Variants in RFTN2 observed in about 807,000 individuals in gnomAD.
RFTN2 encodes the protein raftlin-2.
Under a neutral mutation model 52.7 loss-of-function variants are expected in RFTN2, and 34 were observed. The ratio of observed to expected loss-of-function variants is 0.64; its 90% CI spans 0.49 to 0.86. The LOEUF is 0.86. RFTN2 is among the 40% of genes least tolerant of loss of function. The pLI is 0.00. For missense variants in RFTN2, 536 were observed against 600.1 expected, an observed-to-expected ratio of 0.89 and a Z score of 1.12; for synonymous variants, 203 against 217.7, an observed-to-expected ratio of 0.93 and a Z score of 0.59.
At chr2:197,622,155 A>G (rs1448887407) in intron 5 of RFTN2, among the ~76,000 whole-genome samples, 1 of 152,230 alleles carries the variant, frequency 6.6e-6, no homozygotes, top group African/African-American at 2.4e-5. Flanking sequence ...AGGTTGGTTC[A>G]TGAAGTTTAA....
chr2:197,612,593 T>C (rs2088080994), intron 7 of RFTN2, among the ~76,000 whole-genome samples: 1 of 152,248 alleles, frequency 6.6e-6, no homozygotes, highest in Non-Finnish European at 1.5e-5. Context: ...AGCCCATTGG[T>C]ATTATTAATA....
intron 8 of RFTN2, among the ~76,000 whole-genome samples, chr2:197,585,843 G>A (rs529839071): frequency 3.3e-5 from 5 of 152,010 alleles, no homozygotes; most frequent in African/African-American, 7.2e-5. Flanking sequence ...GCAAGCTGCC[G>A]CCCTCCTCCG....
intron 8 of RFTN2, among the ~76,000 whole-genome samples, chr2:197,572,609 G>A (rs1026201183): frequency 6.6e-6 from 1 of 152,188 alleles, no homozygotes; most frequent in Admixed American, 6.5e-5. Context: ...GGAGAACAAA[G>A]CAAGGTATAA....
At position 197,571,455 on chromosome 2, in the gene RFTN2, A is replaced by T. The variant is rs946616512; in HGVS notation, c.*553T>A. On this transcript the variant is annotated 3_prime_UTR_variant, in exon 9 of 9. Transcript: ENST00000295049. ...ATAAAAAAGATTTTTTTCAAAAAAT[A>T]TTTTAACACATAGGGGCTTGCTTTG... The T allele has an allele frequency of 5.2e-5, 8 of 153,526 alleles. No homozygotes were observed. The highest frequency in any genetic ancestry group is 1.9e-4 in the African/African-American group (8 of 41,460). The allele number at this position is 153,526 out of a possible 1,614,324, so 9.5% of individuals were successfully genotyped here.
At chr2:197,602,006 C>T (rs143829209) in intron 7 of RFTN2, among the ~76,000 whole-genome samples, 1 of 152,182 alleles carries the variant, frequency 6.6e-6, no homozygotes, top group African/African-American at 2.4e-5. Flanking sequence ...TAAAAACAAA[C>T]AAGCAACAAA....
At position 197,572,132 on chromosome 2, in the gene RFTN2, T is replaced by C; in HGVS notation, c.1382A>G (p.Lys461Arg). The C allele has an allele frequency of 6.2e-7, 1 of 1,614,242 alleles. No individual in the cohort carries two copies. Among genetic ancestry groups the C allele is most frequent in the Non-Finnish European group, 8.5e-7 (1 of 1,180,048 alleles). ...RLSPSRECWT[K>R]EGRLAQHNSF... ...GTTGTGCTGTGCCAGCCTTCCCTCC[T>C]TTGTCCAGCATTCCCGGGAGGGAGA... The change falls in exon 9 of 9, where the codon AAG becomes AGG. Residue 461 changes from lysine to arginine, a missense_variant. By Grantham distance (26) the Lys-to-Arg change is conservative (BLOSUM62 2). Coordinates refer to ENST00000295049, the MANE Select transcript of RFTN2 (RefSeq NM_144629.3).
chr2:197,573,649 A>C (rs2087364033), intron 8 of RFTN2, among the ~76,000 whole-genome samples: 1 of 152,266 alleles, frequency 6.6e-6, no homozygotes. Flanking sequence ...ATAAGTAACA[A>C]GGAGCCAAAT....
In RFTN2 at chr2:197,618,056, C is replaced by T. The variant is rs1305684900; in HGVS notation, c.929-135G>A. ...TTAAAAAACATTTGTTGCCCCCTCC[C>T]CCTCCCCCTCTCCCTCTCCCTCTCC... is the stretch of plus-strand genomic sequence containing the variant. On this transcript the variant is annotated intron_variant, in intron 5 of 8. Coordinates refer to ENST00000295049, the MANE Select transcript of RFTN2 (RefSeq NM_144629.3). The T allele has an allele frequency of 6.4e-6, 3 of 470,546 alleles. No homozygotes were observed. The East Asian group carries it at 1.7e-4, about 26-fold the overall frequency. The allele number at this position is 470,546 out of a possible 1,614,324, so 29.1% of individuals were successfully genotyped here. A position where few individuals can be genotyped will look rare whatever the true frequency, so the allele number is the denominator to read the frequency against.
At chr2:197,589,154 G>A (rs112018413) in intron 8 of RFTN2, among the ~76,000 whole-genome samples, 30 of 148,248 alleles carry the variant, frequency 2.0e-4, no homozygotes, top group African/African-American at 7.2e-4. Context: ...CTGGAGAGGC[G>A]GAGGTTGCAG....
intron 1 of RFTN2, among the ~76,000 whole-genome samples, chr2:197,664,343 G>C (rs2089020550): frequency 6.6e-6 from 1 of 151,888 alleles, no homozygotes; most frequent in Non-Finnish European, 1.5e-5. Context: ...AGATGTGGTG[G>C]TGTGTGCCTG....
At chr2:197,632,762 G>A (rs1465718211) in intron 4 of RFTN2, among the ~76,000 whole-genome samples, 1 of 152,164 alleles carries the variant, frequency 6.6e-6, no homozygotes, top group Non-Finnish European at 1.5e-5. Flanking sequence ...TGGAGCTTAT[G>A]TGGCTAAATG....
rs147639925 is a variant in RFTN2, at chr2:197,651,592, G to A, written c.140-4926C>T. Among the ~76,000 whole-genome samples, 49 of 151,958 alleles carry A rather than the reference G, an allele frequency of 3.2e-4. No individual in the cohort carries two copies. The East Asian group carries it at 8.9e-3, about 28-fold the overall frequency. ...TATCGTGTCACTGCATTCCAGCCTG[G>A]GTGATAAGAGTGAAACTCCATCTCA... On this transcript the variant is annotated intron_variant, in intron 1 of 8. Transcript: ENST00000295049.
intron 8 of RFTN2, among the ~76,000 whole-genome samples, chr2:197,580,435 G>A (rs1014200050): frequency 1.3e-5 from 2 of 152,218 alleles, no homozygotes; most frequent in African/African-American, 4.8e-5. Flanking sequence ...CCCGCAGCCT[G>A]GGATTCCTCC....
chr2:197,655,671 A>C (rs2088884656), intron 1 of RFTN2, among the ~76,000 whole-genome samples: 1 of 152,118 alleles, frequency 6.6e-6, no homozygotes, highest in Non-Finnish European at 1.5e-5. Flanking sequence ...TAAAAATACA[A>C]AAATTAGCCA....
intron 8 of RFTN2, among the ~76,000 whole-genome samples, chr2:197,572,526 T>C (rs1391222108): frequency 1.3e-5 from 2 of 152,238 alleles, no homozygotes; most frequent in Non-Finnish European, 2.9e-5. Context: ...TTCTTGTTGA[T>C]GGGTATGTTA....
intron 8 of RFTN2, among the ~76,000 whole-genome samples, chr2:197,586,978 A>C (rs1297147385): frequency 6.6e-6 from 1 of 151,934 alleles, no homozygotes; most frequent in African/African-American, 2.4e-5. Context: ...ATTATGCTGA[A>C]CCCCCTTGGG....
Position 197,617,813 on chromosome 2 carries a change from C to T in RFTN2, c.1037G>A (p.Trp346Ter), listed in dbSNP as rs1001313558. ...KGNDAIVVEQWTVIEGCEIKT... is the reference protein window; with the variant it reads ...KGNDAIVVEQ ...ACTGCAGCTCACCTCAATAACAGTC[C>T]ATTGTTCTACTACGATGGCATCATT... Residue 346 changes from tryptophan to a stop codon, truncating the protein, a stop_gained, in exon 6 of 9, where the codon TGG (tryptophan) becomes TAG (stop). Transcript: ENST00000295049. LOFTEE classifies it high-confidence loss of function. The T allele has an allele frequency of 8.2e-6, 13 of 1,592,652 alleles. No homozygotes were observed. Among genetic ancestry groups the T allele is most frequent in the African/African-American group, 1.4e-5 (1 of 74,018 alleles).
At chr2:197,673,293 C>A (rs1379958556) in intron 1 of RFTN2, among the ~76,000 whole-genome samples, 1 of 152,092 alleles carries the variant, frequency 6.6e-6, no homozygotes, top group Non-Finnish European at 1.5e-5. Flanking sequence ...CACCCATGAC[C>A]CACTCCTATA....
At chr2:197,602,098 C>T (rs2087889653) in intron 7 of RFTN2, among the ~76,000 whole-genome samples, 1 of 152,128 alleles carries the variant, frequency 6.6e-6, no homozygotes, top group African/African-American at 2.4e-5. Context: ...TGGAGTCTTG[C>T]TCTGTCACCC....
Sources: gnomAD v4.1 joint callset for allele counts (sites outside exome capture counted in the v4.1 genomes callset) on GRCh38, gnomAD v4.1.1 for gene constraint, MANE v1.5 for transcripts, NCBI Gene and HGNC (gene_info 2026-07-23, HGNC 2026-07-21) for gene names.